The following GOLGA4 variants were observed in gnomAD, a reference collection of about 807,000 sequenced individuals.
The protein encoded by GOLGA4 is golgin subfamily A member 4.
Under a neutral mutation model 265.9 loss-of-function variants are expected in GOLGA4, and 169 were observed. The ratio of observed to expected loss-of-function variants is 0.64; its 90% CI spans 0.56 to 0.72. The LOEUF (loss-of-function observed/expected upper bound fraction) is 0.72. Ranked by LOEUF, GOLGA4 falls within the 30% of genes least tolerant of loss-of-function variation. GOLGA4 has a pLI of 0.00. For missense variants in GOLGA4, 2,482 were observed against 2,483.4 expected (o/e 1.00, Z 0.01); for synonymous variants, 923 against 855.8 (o/e 1.08, Z -1.37).
At chr3:37,295,349 GC>G (rs1349819927) in intron 6 of GOLGA4, among the ~76,000 whole-genome samples, 4 of 152,084 alleles carry the variant, frequency 2.6e-5, no homozygotes, top group Non-Finnish European at 5.9e-5. Context: ...CTCCAGAGTG[GC>G]TGGGAATACA....
chr3:37,280,031 G>C (rs900911939), intron 2 of GOLGA4, among the ~76,000 whole-genome samples: 6 of 152,048 alleles, frequency 3.9e-5, no homozygotes, highest in African/African-American at 1.4e-4. Flanking sequence ...ATACAGTGTA[G>C]AGTAACCGTT....
chr3:37,362,240 A>ATTT (rs773620319), intron 23 of GOLGA4, among the ~76,000 whole-genome samples: 35 of 93,994 alleles, frequency 3.7e-4, no homozygotes, highest in African/African-American at 5.6e-4. Context: ...TTTATTTATT[A>ATTT]TTTTTTTTTT....
At chr3:37,342,451 C>T (rs1034578445) in intron 20 of GOLGA4, among the ~76,000 whole-genome samples, 8 of 152,170 alleles carry the variant, frequency 5.3e-5, no homozygotes, top group African/African-American at 1.9e-4. Context: ...CTTTATCCCT[C>T]TCATCATTTT....
At chr3:37,252,237 G>C (rs2150599804) in intron 2 of GOLGA4, among the ~76,000 whole-genome samples, 1 of 151,520 alleles carries the variant, frequency 6.6e-6, no homozygotes, top group East Asian at 2.0e-4. Flanking sequence ...GTCAAGCAAA[G>C]GAACACTGTT....
intron 2 of GOLGA4, among the ~76,000 whole-genome samples, chr3:37,263,665 A>G (rs9825393): frequency 0.014 from 2,104 of 152,240 alleles, 46 homozygotes; most frequent in African/African-American, 0.049. Flanking sequence ...GTGGCTGCCA[A>G]TGGACACTAA....
Position 37,243,335 on chromosome 3 carries a change from G to T in GOLGA4, c.-216G>T. ...GGGGCTGGATGGGGGGCCGAGGCCA[G>T]CCAGTGGCACCCGGAAGAAAGAGAC... On this transcript the variant is annotated 5_prime_UTR_variant, in exon 1 of 24. Coordinates refer to ENST00000361924, the MANE Select transcript of GOLGA4 (RefSeq NM_002078.5). The T allele has an allele frequency of 1.7e-6, 1 of 577,914 alleles. No individual in the cohort carries two copies. 35.8% of individuals were successfully genotyped at this position (577,914 alleles called of 1,614,324 possible). A position where few individuals can be genotyped will look rare whatever the true frequency, so the allele number is the denominator to read the frequency against.
intron 5 of GOLGA4, among the ~76,000 whole-genome samples, chr3:37,293,188 C>G (rs1244522825): frequency 6.6e-6 from 1 of 152,192 alleles, no homozygotes; most frequent in African/African-American, 2.4e-5. Context: ...AGGAAATTAA[C>G]TGTCACAAGC....
In GOLGA4 at chr3:37,264,959, A is replaced by G. The variant is rs190254599; in HGVS notation, c.162+13475A>G. ...TTATAGATTCATAGGAGGTTCTAACATCTTTTGTGGGGGAGGCCCTATATA... is the reference window on the plus strand; with the variant it reads ...TTATAGATTCATAGGAGGTTCTAACGTCTTTTGTGGGGGAGGCCCTATATA... On this transcript the variant is annotated intron_variant, in intron 2 of 23. Transcript: ENST00000361924. Among the ~76,000 whole-genome samples, 4 of 152,220 alleles carry G rather than the reference A, an allele frequency of 2.6e-5. No individual in the cohort carries two copies. The East Asian group carries it at 7.7e-4, about 29-fold the overall frequency.
chr3:37,308,010 G>A (rs192045953), intron 10 of GOLGA4, among the ~76,000 whole-genome samples: 3 of 152,256 alleles, frequency 2.0e-5, no homozygotes, highest in Admixed American at 2.0e-4. Flanking sequence ...GAGGCGGGTG[G>A]ATTACCTGAG....
At chr3:37,268,006 T>C (rs2096788133) in intron 2 of GOLGA4, among the ~76,000 whole-genome samples, 2 of 152,192 alleles carry the variant, frequency 1.3e-5, no homozygotes, top group African/African-American at 4.8e-5. Flanking sequence ...CTACAAGTAA[T>C]ATCTCATTGT....
chr3:37,271,403 T>G (rs1048127806), intron 2 of GOLGA4, among the ~76,000 whole-genome samples: 7 of 152,232 alleles, frequency 4.6e-5, no homozygotes, highest in Admixed American at 3.9e-4. Context: ...TGTCTTAGAC[T>G]GATGAAATTT....
intron 20 of GOLGA4, among the ~76,000 whole-genome samples, chr3:37,342,974 T>C (rs1196987647): frequency 6.6e-6 from 1 of 152,116 alleles, no homozygotes; most frequent in African/African-American, 2.4e-5. Context: ...ATCTCAGCTC[T>C]CTGCAACCTC....
intron 2 of GOLGA4, among the ~76,000 whole-genome samples, chr3:37,278,282 CT>C (rs2096825041): frequency 6.6e-6 from 1 of 151,982 alleles, no homozygotes; most frequent in African/African-American, 2.4e-5. Flanking sequence ...TCACTGCAAC[CT>C]CTGCCTCCCA....
intron 20 of GOLGA4, among the ~76,000 whole-genome samples, chr3:37,345,681 C>T (rs1227929990): frequency 2.0e-5 from 3 of 152,010 alleles, no homozygotes; most frequent in Non-Finnish European, 2.9e-5. Context: ...ATTCTGTCTC[C>T]TGGAAAATAG....
chr3:37,362,598 G>A (rs1696394846), intron 23 of GOLGA4, among the ~76,000 whole-genome samples: 1 of 151,494 alleles, frequency 6.6e-6, no homozygotes, highest in South Asian at 2.1e-4. Flanking sequence ...GGGCAGTAGT[G>A]TGATCATAGT....
At chr3:37,293,728 G>C (rs556041942) in intron 5 of GOLGA4, among the ~76,000 whole-genome samples, 1 of 152,202 alleles carries the variant, frequency 6.6e-6, no homozygotes, top group Non-Finnish European at 1.5e-5. Flanking sequence ...ATTGACAGGA[G>C]TGTAGCCAGG....
rs767290719 is a variant in GOLGA4, at chr3:37,325,129, C to T, written c.3243C>T (p.Leu1081=). 8 of 1,613,090 alleles carry T rather than the reference C, an allele frequency of 5.0e-6. No individual in the cohort carries two copies. Among genetic ancestry groups the T allele is most frequent in the Middle Eastern group, 1.6e-4 (1 of 6,084 alleles). Residue 1081 remains leucine (L), a synonymous_variant, in exon 14 of 24, where the codon CTC becomes CTT. Transcript: ENST00000361924. ...QEVAELKQKI[L]LFGCEKEEMN... ...TAGCAGAACTGAAACAAAAGATCCT[C>T]CTATTTGGGTGTGAAAAAGAAGAGA...
At chr3:37,318,560 G>C (rs569628279) in intron 11 of GOLGA4, among the ~76,000 whole-genome samples, 56 of 149,630 alleles carry the variant, frequency 3.7e-4, no homozygotes, top group African/African-American at 1.3e-3. Flanking sequence ...CCCCCATTCT[G>C]TTTTTTTTTA....
At position 37,243,294 on chromosome 3, in the gene GOLGA4, C is replaced by T. The variant is rs2096707707; in HGVS notation, c.-257C>T. On this transcript the variant is annotated 5_prime_UTR_variant, in exon 1 of 24. Transcript: ENST00000361924. ...ACAGTTCACCTGCTGCCGTTGTCGT[C>T]GCCGCCGCGGCTCCCGGGGCTGGAT... 1.8e-6 allele frequency: 1 copy of T among 541,360 alleles called. No homozygotes were observed. Among genetic ancestry groups the T allele is most frequent in the Non-Finnish European group, 3.3e-6 (1 of 305,348 alleles). 33.5% of individuals were successfully genotyped at this position (541,360 alleles called of 1,614,324 possible). A position where few individuals can be genotyped will look rare whatever the true frequency, so the allele number is the denominator to read the frequency against.
Sources: allele counts gnomAD v4.1 joint callset (sites outside exome capture counted in the v4.1 genomes callset), GRCh38; gene constraint gnomAD v4.1.1; transcripts MANE v1.5; gene names NCBI Gene and HGNC (gene_info 2026-07-23, HGNC 2026-07-21).